The following CHRNB4 variants were observed in gnomAD, a reference collection of about 807,000 sequenced individuals.
CHRNB4 encodes the protein neuronal acetylcholine receptor subunit beta-4.
In CHRNB4, 23 loss-of-function variants were observed where a neutral mutation model predicts 40.4. The ratio of observed to expected loss-of-function variants is 0.57; its 90% CI spans 0.41 to 0.81. CHRNB4 has a LOEUF of 0.81. Ranked by LOEUF, CHRNB4 falls within the 30% of genes least tolerant of loss-of-function variation. The pLI, the probability that CHRNB4 is intolerant of heterozygous loss-of-function variation, is 0.00. For missense variants in CHRNB4, 568 were observed against 670.6 expected, an observed-to-expected ratio of 0.85 and a Z score of 1.69; for synonymous variants, 285 against 274.4, an observed-to-expected ratio of 1.04 and a Z score of -0.38.
rs1352486125 is a variant in CHRNB4, at chr15:78,635,720, G to A, written c.56-133C>T. ...GCTGAAGCAGCGAAGGTGCTGGCAG[G>A]CCTGTCTCTCCTTGAGGACTTCAAA... On this transcript the variant is annotated intron_variant, in intron 1 of 5. Coordinates refer to ENST00000261751, the MANE Select transcript of CHRNB4 (RefSeq NM_000750.5). 2.6e-6 allele frequency: 3 copies of A among 1,174,794 alleles called. No homozygotes were observed. In the Admixed American group the frequency reaches 6.1e-5, roughly 24 times the overall value. The allele number at this position is 1,174,794 out of a possible 1,614,324, so 72.8% of individuals were successfully genotyped here.
chr15:78,654,661 C>T (rs1439082987), intron 5 of CHRNB4, among the ~76,000 whole-genome samples: 1 of 152,192 alleles, frequency 6.6e-6, no homozygotes, highest in Non-Finnish European at 1.5e-5. Context: ...CAGATCATCC[C>T]TATACTGTCT....
chr15:78,634,305 T>A (rs1434016931), intron 2 of CHRNB4, among the ~76,000 whole-genome samples: 2 of 152,110 alleles, frequency 1.3e-5, no homozygotes, highest in Admixed American at 1.3e-4. Context: ...TCACCCTCAC[T>A]AGGGCAGCAG....
intron 6 of CHRNB4, among the ~76,000 whole-genome samples, chr15:78,651,888 C>T (rs1424178270): frequency 1.3e-5 from 2 of 152,240 alleles, no homozygotes; most frequent in Non-Finnish European, 2.9e-5. Flanking sequence ...ATCTGCCCCA[C>T]ACGAGCCCAA....
intron 1 of CHRNB4, among the ~76,000 whole-genome samples, chr15:78,659,307 G>GGCATGAA (rs1419115280): frequency 2.6e-5 from 4 of 152,124 alleles, no homozygotes; most frequent in African/African-American, 9.7e-5. Flanking sequence ...GATGGTTCAT[G>GGCATGAA]CCTGTAGTCC....
chr15:78,634,511 G>A (rs537172916), intron 2 of CHRNB4: 5 of 325,728 alleles, frequency 1.5e-5, no homozygotes, highest in East Asian at 7.8e-5. Context: ...AGGAGATGGA[G>A]CCAGTCATTA....
chr15:78,649,288 A>G (rs1373881250), intron 7 of CHRNB4: 10 of 353,732 alleles, frequency 2.8e-5, no homozygotes, highest in Non-Finnish European at 5.5e-6. Flanking sequence ...TTATATGATA[A>G]TGCTCATAGT....
chr15:78,660,024 T>G (rs1424341765), intron 1 of CHRNB4, among the ~76,000 whole-genome samples: 1 of 152,016 alleles, frequency 6.6e-6, no homozygotes, highest in African/African-American at 2.4e-5. Flanking sequence ...CTGGCCAACA[T>G]GGTGAAACCC....
chr15:78,638,034 T>G (rs2053990543), intron 1 of CHRNB4, among the ~76,000 whole-genome samples: 2 of 151,990 alleles, frequency 1.3e-5, no homozygotes, highest in Non-Finnish European at 2.9e-5. Flanking sequence ...TAGAGAGGGG[T>G]GTGTCTTGCC....
At chr15:78,632,165 T>TC (rs1410324733) in intron 2 of CHRNB4, among the ~76,000 whole-genome samples, 31 of 128,932 alleles carry the variant, frequency 2.4e-4, no homozygotes, top group African/African-American at 8.5e-4. Flanking sequence ...TTCTTTTCTT[T>TC]TCTTTCTCTT....
At chr15:78,641,240 T>C (rs1040640078), upstream of CHRNB4, 84 of 1,072,274 alleles carry the variant, frequency 7.8e-5, no homozygotes, top group Non-Finnish European at 9.7e-5. Context: ...CGAGGTTTGC[T>C]GGCGGGGCGG....
chr15:78,648,779 A>G (rs917648350), intron 7 of CHRNB4, among the ~76,000 whole-genome samples: 5 of 141,750 alleles, frequency 3.5e-5, no homozygotes, highest in South Asian at 2.2e-4. Flanking sequence ...AAAAAAGTAG[A>G]TATCTTATTG....
intron 1 of CHRNB4, among the ~76,000 whole-genome samples, chr15:78,636,578 CT>C (rs1399524627): frequency 6.6e-6 from 1 of 152,048 alleles, no homozygotes; most frequent in Non-Finnish European, 1.5e-5. Context: ...GCCTTTCCCC[CT>C]GTGACCTTCA....
intron 4 of CHRNB4, among the ~76,000 whole-genome samples, chr15:78,630,586 G>A (rs1427457970): frequency 6.6e-6 from 1 of 152,226 alleles, no homozygotes; most frequent in Non-Finnish European, 1.5e-5. Context: ...CAGAAAACTT[G>A]TAAGCAGGAC....
upstream of CHRNB4, among the ~76,000 whole-genome samples, chr15:78,645,137 G>A (rs2054112509): frequency 6.6e-6 from 1 of 152,104 alleles, no homozygotes; most frequent in African/African-American, 2.4e-5. Flanking sequence ...GTTATACTGG[G>A]CCATTGTCCG....
chr15:78,636,110 T>C (rs2141387404), intron 1 of CHRNB4, among the ~76,000 whole-genome samples: 1 of 152,266 alleles, frequency 6.6e-6, no homozygotes, highest in Non-Finnish European at 1.5e-5. Context: ...TTTCACCATA[T>C]TGGCCAGGCT....
At chr15:78,625,315 T>C in intron 5 of CHRNB4, 24 bp from the exon 6 acceptor site, 1 of 1,524,004 alleles carries the variant, frequency 6.6e-7, no homozygotes, top group Non-Finnish European at 8.8e-7. Flanking sequence ...GAGGAGTTGG[T>C]CACAGGTGCC....
rs2053612473 is a variant in CHRNB4, at chr15:78,624,788, G to C, written c.*345C>G. 1 of 553,750 alleles carries C rather than the reference G, an allele frequency of 1.8e-6. No homozygotes were observed. Among genetic ancestry groups the C allele is most frequent in the East Asian group, 2.9e-5 (1 of 34,934 alleles). 34.3% of individuals were successfully genotyped at this position (553,750 alleles called of 1,614,324 possible). ...GAGGAACTGGACAAGGGGAAGTGGA[G>C]AGAGATGGTGATGGAGAGGCAGGCC... On this transcript the variant is annotated 3_prime_UTR_variant, in exon 6 of 6. Transcript: ENST00000261751.
intron 5 of CHRNB4, among the ~76,000 whole-genome samples, chr15:78,655,104 T>G (rs1270871128): frequency 6.6e-6 from 1 of 152,228 alleles, no homozygotes; most frequent in Non-Finnish European, 1.5e-5. Context: ...CATGCCCCTT[T>G]GTCATCCACC....
chr15:78,628,930 T>A (rs1337417612), intron 5 of CHRNB4, 37 bp downstream of exon 5: 39 of 1,579,090 alleles, frequency 2.5e-5, no homozygotes, highest in Non-Finnish European at 3.4e-5. Flanking sequence ...GAGCCCTTTC[T>A]GTTGGGCAGG....
Sources: allele counts gnomAD v4.1 joint callset (sites outside exome capture counted in the v4.1 genomes callset), GRCh38; gene constraint gnomAD v4.1.1; transcripts MANE v1.5; gene names NCBI Gene and HGNC (gene_info 2026-07-23, HGNC 2026-07-21).